TUB: variants seen among roughly 807,000 people sequenced by gnomAD.
The protein encoded by TUB is tubby protein homolog.
Under a neutral mutation model 59.7 loss-of-function variants are expected in TUB, and 33 were observed. The observed-to-expected ratio is 0.55, with a 90% CI of 0.42 to 0.74. TUB has a LOEUF of 0.74. Ranked by LOEUF, TUB falls within the 30% of genes least tolerant of loss-of-function variation. The pLI is 0.00. For synonymous variants in TUB, 293 were observed against 256.4 expected, an observed-to-expected ratio of 1.14 and a Z score of -1.36; for missense variants, 659 against 672.0, an observed-to-expected ratio of 0.98 and a Z score of 0.21.
intron 9 of TUB, among the ~76,000 whole-genome samples, chr11:8,099,585 A>G (rs1944163470): frequency 6.6e-6 from 1 of 152,220 alleles, no homozygotes; most frequent in Non-Finnish European, 1.5e-5. Flanking sequence ...AGGATATAGT[A>G]ATGAACAGAC....
At chr11:8,029,016 A>T (rs918874216) in intron 1 of TUB, among the ~76,000 whole-genome samples, 8 of 152,304 alleles carry the variant, frequency 5.3e-5, no homozygotes, top group African/African-American at 1.7e-4. Flanking sequence ...GTCTCAAGAA[A>T]CAAAAACAAA....
chr11:8,035,110 C>A (rs529039866), upstream of TUB, among the ~76,000 whole-genome samples: 2 of 152,320 alleles, frequency 1.3e-5, no homozygotes, highest in South Asian at 4.1e-4. Context: ...ACCTCAAGTG[C>A]AACATTCAAA....
At chr11:8,029,727 A>G (rs2133707471) in intron 1 of TUB, among the ~76,000 whole-genome samples, 1 of 152,198 alleles carries the variant, frequency 6.6e-6, no homozygotes, top group Middle Eastern at 3.4e-3. Flanking sequence ...CTGTGAGTAT[A>G]TGACCTATGG....
intron 1 of TUB, among the ~76,000 whole-genome samples, chr11:8,020,416 G>A (rs1942406519): frequency 6.6e-6 from 1 of 152,092 alleles, no homozygotes; most frequent in Non-Finnish European, 1.5e-5. Flanking sequence ...AGGAACAGGT[G>A]TCCCTCCTGC....
In TUB at chr11:8,019,342, CG is replaced by C; in HGVS notation, c.41del (p.Arg14ProfsTer8). ...CAGCCACCGGACCCTGTCTTACAGC[CG>C]CTGGAGCTATGACAGGTAGGGCGCC... On this transcript the variant is annotated frameshift_variant, in exon 1 of 12. Transcript: ENST00000534099. LOFTEE classifies it high-confidence loss of function. 1 of 1,278,212 alleles carries C rather than the reference CG, an allele frequency of 7.8e-7. No homozygotes were observed. The highest frequency in any genetic ancestry group is 2.8e-5 in the South Asian group (1 of 35,452). 79.2% of individuals were successfully genotyped at this position (1,278,212 alleles called of 1,614,324 possible). A position where few individuals can be genotyped will look rare whatever the true frequency, so the allele number is the denominator to read the frequency against.
intron 2 of TUB, among the ~76,000 whole-genome samples, chr11:8,075,338 A>G (rs930230598): frequency 6.6e-6 from 1 of 152,176 alleles, no homozygotes; most frequent in African/African-American, 2.4e-5. Flanking sequence ...GGGCTCTACA[A>G]TGCTCATCTG....
At chr11:8,029,907 T>C (rs996074903) in intron 1 of TUB, among the ~76,000 whole-genome samples, 8 of 152,110 alleles carry the variant, frequency 5.3e-5, no homozygotes, top group East Asian at 1.9e-4. Context: ...TTAGAACTTT[T>C]TGAGTGCAGC....
chr11:8,072,295 G>C (rs1347472177), intron 2 of TUB, among the ~76,000 whole-genome samples: 1 of 152,132 alleles, frequency 6.6e-6, no homozygotes, highest in Non-Finnish European at 1.5e-5. Context: ...AGATGCAGAG[G>C]GGGAAGGGAC....
chr11:8,086,497 G>A (rs1253551501), intron 1 of TUB, among the ~76,000 whole-genome samples: 2 of 152,112 alleles, frequency 1.3e-5, no homozygotes, highest in African/African-American at 4.8e-5. Context: ...GTTGGCTGGG[G>A]ATTCTTTGTT....
chr11:8,036,820 G>A (rs1046412949), upstream of TUB, among the ~76,000 whole-genome samples: 11 of 152,240 alleles, frequency 7.2e-5, no homozygotes, highest in East Asian at 7.7e-4. Context: ...TCAGTAGCAC[G>A]GGCCCCATGG....
intron 2 of TUB, among the ~76,000 whole-genome samples, chr11:8,058,135 C>T (rs181311866): frequency 6.6e-6 from 1 of 150,736 alleles, no homozygotes; most frequent in African/African-American, 2.4e-5. Context: ...TCACTTGAGC[C>T]TAGGAGGTCA....
chr11:8,040,543 G>A (rs1470574309), intron 2 of TUB, among the ~76,000 whole-genome samples: 1 of 152,188 alleles, frequency 6.6e-6, no homozygotes, highest in Admixed American at 6.5e-5. Flanking sequence ...AGAGCCAGGG[G>A]TCTCGAGTAT....
rs1465685729 is a variant in TUB at position 8,103,476 on chromosome 11, T to C, written c.*1857T>C. 1.3e-5 allele frequency: 2 copies of C among 152,572 alleles called. No homozygotes were observed. The highest frequency in any genetic ancestry group is 3.8e-4 in the East Asian group (2 of 5,198). 9.5% of individuals were successfully genotyped at this position (152,572 alleles called of 1,614,324 possible). On this transcript the variant is annotated 3_prime_UTR_variant, in exon 12 of 12. Transcript: ENST00000299506. ...TGACTTAAGTAGAAGTAATATGCTC[T>C]CATTTCTTTGTAATCTAGATTTTCC... is the stretch of plus-strand genomic sequence containing the variant.
At chr11:8,080,667 C>T (rs1431566793), upstream of TUB, among the ~76,000 whole-genome samples, 1 of 152,172 alleles carries the variant, frequency 6.6e-6, no homozygotes, top group Non-Finnish European at 1.5e-5. Context: ...TGCAATAGAC[C>T]GTAAATGTTC....
chr11:8,104,121 G>A lies in TUB; in HGVS notation c.*2502G>A, dbSNP rs1015507738. 1 of 152,244 alleles carries A rather than the reference G, an allele frequency of 6.6e-6. No homozygotes were observed. Among genetic ancestry groups the A allele is most frequent in the Non-Finnish European group, 1.5e-5 (1 of 68,078 alleles). The allele number at this position is 152,244 out of a possible 1,614,324, so 9.4% of individuals were successfully genotyped here. ...GTGCATGGACTCGTAAAGCTGCTAG[G>A]GCCCCTAGAAACCACCTGGGTTCAG... On this transcript the variant is annotated 3_prime_UTR_variant, in exon 12 of 12. Coordinates refer to ENST00000299506, the MANE Select transcript of TUB (RefSeq NM_177972.3).
chr11:8,074,077 A>G (rs535429241), intron 2 of TUB, among the ~76,000 whole-genome samples: 2 of 147,682 alleles, frequency 1.4e-5, no homozygotes, highest in East Asian at 2.0e-4. Context: ...AGGCGTTACT[A>G]TATATATGGG....
At chr11:8,097,044 G>A (rs1944027333) in intron 6 of TUB, among the ~76,000 whole-genome samples, 184 bp from the exon 7 acceptor site, 1 of 152,142 alleles carries the variant, frequency 6.6e-6, no homozygotes, top group Non-Finnish European at 1.5e-5. Flanking sequence ...TCCACCTCTA[G>A]GAACTGTTGA....
chr11:8,067,581 A>T (rs1349474326), intron 2 of TUB: 1 of 152,172 alleles, frequency 6.6e-6, no homozygotes, highest in East Asian at 1.9e-4. Context: ...CACCCGACAA[A>T]TATTTATTAA....
At chr11:8,064,009 C>T (rs1029954138) in intron 2 of TUB, among the ~76,000 whole-genome samples, 6 of 152,100 alleles carry the variant, frequency 3.9e-5, no homozygotes, top group South Asian at 2.1e-4. Flanking sequence ...ACCTCATAGG[C>T]GTCATTTGTC....
Sources: allele counts gnomAD v4.1 joint callset (sites outside exome capture counted in the v4.1 genomes callset), GRCh38; gene constraint gnomAD v4.1.1; transcripts MANE v1.5; gene names NCBI Gene and HGNC (gene_info 2026-07-23, HGNC 2026-07-21).